Variants in CSGALNACT1 observed in about 807,000 individuals in gnomAD.
The protein encoded by CSGALNACT1 is chondroitin sulfate N-acetylgalactosaminyltransferase 1.
A neutral mutation model predicts 51.0 loss-of-function variants in CSGALNACT1; 52 were observed. That is an observed-to-expected ratio of 1.02 (90% CI 0.82 to 1.29). CSGALNACT1 has a LOEUF of 1.29. Among genes scored for constraint, CSGALNACT1 ranks in the 50% most tolerant of loss-of-function variants. The probability of loss-of-function intolerance (pLI) is 0.00; values close to 1 mark genes in which losing one functional copy is unlikely to be tolerated. For missense variants in CSGALNACT1, 935 were observed against 679.2 expected (o/e 1.38, Z -4.19); for synonymous variants, 341 against 254.4 (o/e 1.34, Z -3.24).
intron 5 of CSGALNACT1, among the ~76,000 whole-genome samples, chr8:19,448,369 G>C (rs1292161190): frequency 6.6e-6 from 1 of 152,060 alleles, no homozygotes; most frequent in Non-Finnish European, 1.5e-5. Flanking sequence ...CAATCAACCA[G>C]GTTTTCCTGC....
chr8:19,445,584 T>C (rs1451393673), intron 5 of CSGALNACT1, among the ~76,000 whole-genome samples: 1 of 152,218 alleles, frequency 6.6e-6, no homozygotes, highest in Admixed American at 6.5e-5. Flanking sequence ...AAACACTTGG[T>C]GACAACATAT....
chr8:19,671,224 C>T (rs560603527), intron 1 of CSGALNACT1, among the ~76,000 whole-genome samples: 356 of 152,250 alleles, frequency 2.3e-3, no homozygotes, highest in African/African-American at 8.2e-3. Context: ...AAGCACAGAA[C>T]CCATGCCAGA....
At chr8:19,428,180 G>A (rs947936875) in intron 6 of CSGALNACT1, among the ~76,000 whole-genome samples, 16 of 152,050 alleles carry the variant, frequency 1.1e-4, no homozygotes, top group Non-Finnish European at 1.6e-4. Flanking sequence ...GCATCCCTCC[G>A]TTTCCCACAC....
chr8:19,513,426 C>A (rs1300096240), intron 3 of CSGALNACT1, among the ~76,000 whole-genome samples: 1 of 85,404 alleles, frequency 1.2e-5, no homozygotes, highest in South Asian at 3.9e-4. Flanking sequence ...CTCTCTCTCT[C>A]TCTCTCTCTC....
intron 4 of CSGALNACT1, 145 bp downstream of exon 3, chr8:19,505,056 C>G: frequency 1.2e-6 from 1 of 805,468 alleles, no homozygotes; most frequent in Non-Finnish European, 2.1e-6. Context: ...AAAGCCATGC[C>G]GTACCTTTTG....
chr8:19,471,307 G>T (rs982112896), intron 4 of CSGALNACT1, among the ~76,000 whole-genome samples: 1 of 152,094 alleles, frequency 6.6e-6, no homozygotes, highest in African/African-American at 2.4e-5. Context: ...TGAATCATGG[G>T]GAAGAGGCGA....
chr8:19,455,657 G>A (rs1020354213), intron 5 of CSGALNACT1, among the ~76,000 whole-genome samples: 1 of 151,956 alleles, frequency 6.6e-6, no homozygotes, highest in African/African-American at 2.4e-5. Flanking sequence ...TTACCCTCTC[G>A]CATCCCAGTT....
chr8:19,464,829 A>C (rs1287519711), intron 4 of CSGALNACT1, among the ~76,000 whole-genome samples: 2 of 152,166 alleles, frequency 1.3e-5, no homozygotes, highest in Non-Finnish European at 2.9e-5. Context: ...GGTGCCAAGA[A>C]GGTTAGGGAC....
intron 1 of CSGALNACT1, among the ~76,000 whole-genome samples, chr8:19,677,889 A>C (rs951970266): frequency 6.6e-6 from 1 of 152,124 alleles, no homozygotes; most frequent in Non-Finnish European, 1.5e-5. Flanking sequence ...TGTCTGAAAA[A>C]CAATTAGAAG....
At chr8:19,505,807 C>A in exon 4 of CSGALNACT1, 3 of 1,613,228 alleles carry the variant, frequency 1.9e-6, no homozygotes, top group South Asian at 1.1e-5. Flanking sequence ...GAAATCCACG[C>A]AAGCAGCCCC....
intron 2 of CSGALNACT1, among the ~76,000 whole-genome samples, chr8:19,596,960 G>T (rs2049035756): frequency 6.6e-6 from 1 of 151,970 alleles, no homozygotes; most frequent in Non-Finnish European, 1.5e-5. Context: ...TTTTCATCTT[G>T]CATAACTGTA....
At chr8:19,656,849 C>T (rs1465842069) in intron 1 of CSGALNACT1, among the ~76,000 whole-genome samples, 1 of 152,020 alleles carries the variant, frequency 6.6e-6, no homozygotes, top group Non-Finnish European at 1.5e-5. Flanking sequence ...GCGTGGATCA[C>T]AAGGTCAGGA....
In CSGALNACT1 at chr8:19,469,642, G is replaced by A. The variant is rs369308809; in HGVS notation, c.635-11000C>T. On this transcript the variant is annotated intron_variant, in intron 4 of 9. Transcript: ENST00000454498. ...CTGCTCTGTCTGGGACACTTCCCCA[G>A]GTCTGGCACGGCTACATCCTTCCTA... is the stretch of plus-strand genomic sequence containing the variant. Among the ~76,000 whole-genome samples, 7 of 152,248 alleles carry A rather than the reference G, an allele frequency of 4.6e-5. No homozygotes were observed. In the East Asian group the frequency reaches 7.7e-4, roughly 17 times the overall value.
intron 3 of CSGALNACT1, among the ~76,000 whole-genome samples, chr8:19,525,638 A>G (rs2081522785): frequency 6.8e-6 from 1 of 146,884 alleles, no homozygotes; most frequent in Non-Finnish European, 1.5e-5. Flanking sequence ...AAAAAAAAAA[A>G]AAAAAAAAAA....
intron 4 of CSGALNACT1, among the ~76,000 whole-genome samples, chr8:19,472,897 A>T (rs555025577): frequency 2.0e-5 from 3 of 152,346 alleles, no homozygotes; most frequent in Non-Finnish European, 2.9e-5. Context: ...TGAAGATTAA[A>T]TAAATATATG....
At chr8:19,718,645 C>A (rs952423697) in intron 1 of CSGALNACT1, among the ~76,000 whole-genome samples, 1 of 152,090 alleles carries the variant, frequency 6.6e-6, no homozygotes, top group Non-Finnish European at 1.5e-5. Flanking sequence ...AAAAACATTG[C>A]TTTGATCATG....
chr8:19,727,795 G>A (rs1027240043), intron 1 of CSGALNACT1, among the ~76,000 whole-genome samples: 2 of 152,146 alleles, frequency 1.3e-5, no homozygotes, highest in Admixed American at 6.5e-5. Flanking sequence ...TGGGACCAAG[G>A]TGGGCCTCAG....
intron 4 of CSGALNACT1, among the ~76,000 whole-genome samples, chr8:19,504,591 G>A (rs1316757875): frequency 1.3e-5 from 2 of 152,166 alleles, no homozygotes; most frequent in African/African-American, 4.8e-5. Context: ...AAAAAGATGA[G>A]CCGTCATCTC....
At chr8:19,407,713 G>A (rs531890984) in intron 9 of CSGALNACT1, among the ~76,000 whole-genome samples, 6 of 152,232 alleles carry the variant, frequency 3.9e-5, no homozygotes, top group South Asian at 4.1e-4. Flanking sequence ...AACCACAGGC[G>A]TGCGCATGTG....
Sources: gnomAD v4.1 joint callset for allele counts (sites outside exome capture counted in the v4.1 genomes callset) on GRCh38, gnomAD v4.1.1 for gene constraint, MANE v1.5 for transcripts, NCBI Gene and HGNC (gene_info 2026-07-23, HGNC 2026-07-21) for gene names.